NLGN4X: variants seen among roughly 807,000 people sequenced by gnomAD.
The protein encoded by NLGN4X is neuroligin 4 X-linked, also known as neuroligin-4, X-linked.
NLGN4X carries 3 observed loss-of-function variants against 40.3 expected under a neutral mutation model. That is an observed-to-expected ratio of 0.07 (90% CI 0.03 to 0.19). The LOEUF (loss-of-function observed/expected upper bound fraction) is 0.19. Ranked by LOEUF, NLGN4X falls within the 10% of genes least tolerant of loss-of-function variation. The pLI is 1.00. For synonymous variants in NLGN4X, 270 were observed against 306.8 expected, an observed-to-expected ratio of 0.88 and a Z score of 1.25; for missense variants, 382 against 708.3, an observed-to-expected ratio of 0.54 and a Z score of 5.23.
chrX:6,177,832 A>G (rs1476118110), intron 1 of NLGN4X, among the ~76,000 whole-genome samples: 1 of 110,635 alleles, frequency 9.0e-6, no homozygotes, highest in African/African-American at 3.3e-5. Context: ...GTGACCCCCA[A>G]GATGATGGTA....
At chrX:5,943,806 C>G (rs1363084724) in intron 3 of NLGN4X, among the ~76,000 whole-genome samples, 1 of 112,498 alleles carries the variant, frequency 8.9e-6, no homozygotes, top group Non-Finnish European at 1.9e-5. Flanking sequence ...AAGGATAGAG[C>G]TGCCTTGTTA....
intron 2 of NLGN4X, among the ~76,000 whole-genome samples, chrX:6,132,619 A>G (rs2039705262): frequency 9.0e-6 from 1 of 111,536 alleles, no homozygotes; most frequent in Non-Finnish European, 1.9e-5. Flanking sequence ...TATGCCTAAT[A>G]ACATTCTTCC....
At chrX:6,069,095 C>G (rs1156588376) in intron 2 of NLGN4X, among the ~76,000 whole-genome samples, 1 of 111,377 alleles carries the variant, frequency 9.0e-6, no homozygotes, top group Non-Finnish European at 1.9e-5. Flanking sequence ...TGAGACCATC[C>G]TGGCTAACAC....
intron 1 of NLGN4X, among the ~76,000 whole-genome samples, chrX:6,170,604 T>C (rs1466962117): frequency 8.9e-6 from 1 of 112,196 alleles, no homozygotes; most frequent in African/African-American, 3.2e-5. Flanking sequence ...ACTACAAGTG[T>C]TATTTGCACA....
intron 3 of NLGN4X, among the ~76,000 whole-genome samples, chrX:5,971,754 T>A (rs1346233114): frequency 9.0e-6 from 1 of 111,561 alleles, no homozygotes; most frequent in African/African-American, 3.3e-5. Flanking sequence ...AAAATGATAC[T>A]AGACAAAACT....
At chrX:5,981,528 C>T (rs889003562) in intron 3 of NLGN4X, among the ~76,000 whole-genome samples, 2 of 107,501 alleles carry the variant, frequency 1.9e-5, no homozygotes, top group Non-Finnish European at 3.8e-5. Context: ...AGTAGACTTG[C>T]ATTAAGATCT....
intron 3 of NLGN4X, among the ~76,000 whole-genome samples, chrX:5,933,695 T>C (rs553563506): frequency 9.0e-6 from 1 of 111,634 alleles, no homozygotes; most frequent in African/African-American, 3.2e-5. Context: ...AAATGTACAG[T>C]TACGCTTATC....
intron 2 of NLGN4X, among the ~76,000 whole-genome samples, chrX:6,055,130 A>G (rs1462639803): frequency 8.9e-6 from 1 of 111,893 alleles, no homozygotes; most frequent in Non-Finnish European, 1.9e-5. Flanking sequence ...TGTCTCAGGT[A>G]AACACATCTC....
At chrX:6,196,551 CAAAAAAAAAAAAAA>C (rs374097705) in intron 1 of NLGN4X, among the ~76,000 whole-genome samples, 2 of 23,323 alleles carry the variant, frequency 8.6e-5, no homozygotes, top group Non-Finnish European at 1.7e-4. Context: ...GACTCTGTCT[CAAAAAAAAAAAAAA>C]AAAAAAAAAA....
At chrX:5,982,437 TA>T (rs1174509707) in intron 3 of NLGN4X, among the ~76,000 whole-genome samples, 2 of 112,152 alleles carry the variant, frequency 1.8e-5, no homozygotes, top group Non-Finnish European at 3.8e-5. Context: ...ACAGTGCTAA[TA>T]AAATATTTGC....
At chrX:5,909,643 G>A (rs1290638525) in intron 3 of NLGN4X, among the ~76,000 whole-genome samples, 2 of 104,591 alleles carry the variant, frequency 1.9e-5, no homozygotes, top group African/African-American at 7.1e-5. Flanking sequence ...AACAGTACGT[G>A]TGTGGGGGGG....
intron 1 of NLGN4X, among the ~76,000 whole-genome samples, chrX:6,195,308 A>G (rs763821647): frequency 1.8e-5 from 2 of 111,968 alleles, no homozygotes; most frequent in South Asian, 3.7e-4. Context: ...CCTGCCCAAC[A>G]CCACAGAACT....
intron 3 of NLGN4X, among the ~76,000 whole-genome samples, chrX:5,947,523 G>A (rs1313581476): frequency 9.0e-6 from 1 of 111,679 alleles, no homozygotes; most frequent in African/African-American, 3.3e-5. Context: ...TTTGTCCAAG[G>A]CGTTCAAAGT....
chrX:5,925,425 T>C (rs2033232366), intron 3 of NLGN4X, among the ~76,000 whole-genome samples: 1 of 111,461 alleles, frequency 9.0e-6, no homozygotes, highest in South Asian at 3.8e-4. Context: ...TGGAAATCAA[T>C]GAACCGTCCC....
chrX:6,207,666 G>A (rs760296362), intron 1 of NLGN4X, among the ~76,000 whole-genome samples: 22 of 112,127 alleles, frequency 2.0e-4, no homozygotes, highest in African/African-American at 7.1e-4. Flanking sequence ...TAGTTGGTGA[G>A]TATCTCCCAG....
chrX:5,926,934 TTCTATCTA>T (rs3072082), intron 3 of NLGN4X, among the ~76,000 whole-genome samples: 1,931 of 96,867 alleles, frequency 0.02, 48 homozygotes, highest in African/African-American at 0.059. Flanking sequence ...TCTCTATATC[TTCTATCTA>T]TCTATCTATC....
At chrX:6,000,122 G>C (rs1452113512) in intron 3 of NLGN4X, among the ~76,000 whole-genome samples, 1 of 112,374 alleles carries the variant, frequency 8.9e-6, no homozygotes, top group East Asian at 2.8e-4. Flanking sequence ...TAAGATGCCT[G>C]CATCTCTCCA....
At chrX:6,167,691 G>GCTT (rs1475497065) in intron 1 of NLGN4X, among the ~76,000 whole-genome samples, 1 of 111,529 alleles carries the variant, frequency 9.0e-6, no homozygotes, top group Non-Finnish European at 1.9e-5. Context: ...TTCAAACCCT[G>GCTT]CTTCTTCTCC....
intron 2 of NLGN4X, among the ~76,000 whole-genome samples, chrX:6,089,471 A>T (rs1349266048): frequency 1.8e-5 from 2 of 112,648 alleles, no homozygotes; most frequent in African/African-American, 6.4e-5. Flanking sequence ...GGTGTTCAAT[A>T]AATAACAGTT....
Sources: gnomAD v4.1 joint callset for allele counts (sites outside exome capture counted in the v4.1 genomes callset) on GRCh38, gnomAD v4.1.1 for gene constraint, MANE v1.5 for transcripts, NCBI Gene and HGNC (gene_info 2026-07-23, HGNC 2026-07-21) for gene names.